NRG3: variants seen among roughly 807,000 people sequenced by gnomAD.
NRG3 encodes the protein pro-neuregulin-3, membrane-bound isoform.
NRG3 carries 31 observed loss-of-function variants against 66.9 expected under a neutral mutation model. The ratio of observed to expected loss-of-function variants is 0.46; its 90% CI spans 0.35 to 0.63. NRG3 has a LOEUF of 0.63. Ranked by LOEUF, NRG3 falls within the 20% of genes least tolerant of loss-of-function variation. The pLI is 0.00. For synonymous variants in NRG3, 393 were observed against 359.4 expected (o/e 1.09, Z -1.06); for missense variants, 910 against 878.9 (o/e 1.04, Z -0.45).
intron 2 of NRG3, among the ~76,000 whole-genome samples, chr10:82,730,757 C>A (rs17100622): frequency 0.088 from 13,321 of 152,140 alleles, 711 homozygotes; most frequent in Middle Eastern, 0.18. Context: ...ATCAATGTCA[C>A]AAAATTCTCC....
chr10:82,603,112 G>A (rs2047734382), intron 2 of NRG3, among the ~76,000 whole-genome samples: 1 of 152,122 alleles, frequency 6.6e-6, no homozygotes, highest in African/African-American at 2.4e-5. Context: ...GTACATTATT[G>A]TTCTTCCCTG....
intron 3 of NRG3, among the ~76,000 whole-genome samples, chr10:82,746,320 T>C (rs2058642719): frequency 6.6e-6 from 1 of 152,178 alleles, no homozygotes; most frequent in Non-Finnish European, 1.5e-5. Context: ...AGCTTCCCTG[T>C]TGGCCCCGGC....
chr10:82,089,634 A>T (rs1289956819), intron 1 of NRG3, among the ~76,000 whole-genome samples: 1 of 152,198 alleles, frequency 6.6e-6, no homozygotes, highest in African/African-American at 2.4e-5. Flanking sequence ...GTTCTCTAAT[A>T]AACGAGTTGA....
At chr10:82,650,154 A>C (rs2051295534) in intron 2 of NRG3, among the ~76,000 whole-genome samples, 1 of 152,162 alleles carries the variant, frequency 6.6e-6, no homozygotes. Context: ...TAGTTACCAA[A>C]ATATTACGCT....
intron 1 of NRG3, among the ~76,000 whole-genome samples, chr10:82,281,794 G>T (rs1269710989): frequency 1.3e-5 from 2 of 152,092 alleles, no homozygotes; most frequent in Non-Finnish European, 2.9e-5. Flanking sequence ...TCTGGACTTT[G>T]TATTTCCCTT....
intron 1 of NRG3, among the ~76,000 whole-genome samples, chr10:82,301,805 T>C (rs1301524581): frequency 6.6e-6 from 1 of 151,552 alleles, no homozygotes; most frequent in African/African-American, 2.4e-5. Context: ...TTGCTAATTA[T>C]GTTACTGTTA....
intron 1 of NRG3, among the ~76,000 whole-genome samples, chr10:82,108,835 T>G (rs1281361620): frequency 6.6e-6 from 1 of 152,218 alleles, no homozygotes; most frequent in East Asian, 1.9e-4. Context: ...GAGTACCATG[T>G]GGCCACAGCC....
At chr10:82,745,903 GT>G (rs923233227) in intron 3 of NRG3, among the ~76,000 whole-genome samples, 2 of 151,892 alleles carry the variant, frequency 1.3e-5, no homozygotes, top group Admixed American at 6.6e-5. Flanking sequence ...TGTTTGTTTG[GT>G]TTTTAGAGGC....
At chr10:82,078,373 C>T (rs1342323453) in intron 1 of NRG3, among the ~76,000 whole-genome samples, 3 of 152,138 alleles carry the variant, frequency 2.0e-5, no homozygotes, top group Non-Finnish European at 4.4e-5. Flanking sequence ...TTTTTCGAGA[C>T]AGAATCTTGC....
intron 1 of NRG3, among the ~76,000 whole-genome samples, chr10:82,007,247 T>C (rs1295707342): frequency 6.7e-6 from 1 of 149,282 alleles, no homozygotes; most frequent in Non-Finnish European, 1.5e-5. Flanking sequence ...TCTTGCACTG[T>C]CGCCCAGGTT....
At chr10:82,362,370 TG>T (rs1365914499) in intron 2 of NRG3, among the ~76,000 whole-genome samples, 2 of 137,580 alleles carry the variant, frequency 1.5e-5, no homozygotes, top group African/African-American at 6.0e-5. Flanking sequence ...TGTGTGTGTG[TG>T]TGTGTGTATT....
At chr10:82,913,786 T>C (rs1040095915) in intron 4 of NRG3, among the ~76,000 whole-genome samples, 5 of 152,172 alleles carry the variant, frequency 3.3e-5, no homozygotes, top group Admixed American at 6.5e-5. Flanking sequence ...TAATGTAGAG[T>C]ATTTTCCATG....
chr10:82,845,881 C>T (rs2063287536), intron 3 of NRG3, among the ~76,000 whole-genome samples: 1 of 152,162 alleles, frequency 6.6e-6, no homozygotes, highest in African/African-American at 2.4e-5. Context: ...ACATATAGCA[C>T]ACTGAGAAGT....
At chr10:82,357,550 C>T (rs1236313062) in intron 1 of NRG3, among the ~76,000 whole-genome samples, 1 of 152,172 alleles carries the variant, frequency 6.6e-6, no homozygotes, top group Non-Finnish European at 1.5e-5. Flanking sequence ...GGCATTCTTG[C>T]TGGCAAGGAC....
At chr10:81,891,325 A>C (rs952097657) in intron 1 of NRG3, among the ~76,000 whole-genome samples, 1 of 152,168 alleles carries the variant, frequency 6.6e-6, no homozygotes, top group Non-Finnish European at 1.5e-5. Flanking sequence ...TCTATTCCTG[A>C]CCATGTACTC....
At chr10:82,390,169 C>A (rs978292954) in intron 2 of NRG3, among the ~76,000 whole-genome samples, 15 of 152,144 alleles carry the variant, frequency 9.9e-5, no homozygotes, top group African/African-American at 3.6e-4. Context: ...TCCTTCACCA[C>A]TAATAGTGGT....
At chr10:82,114,865 G>C (rs1056025958) in intron 1 of NRG3, among the ~76,000 whole-genome samples, 1 of 152,130 alleles carries the variant, frequency 6.6e-6, no homozygotes, top group Non-Finnish European at 1.5e-5. Context: ...TTCTGGCAGA[G>C]CACCTTCATA....
At chr10:82,685,312 G>A (rs942597738) in intron 2 of NRG3, among the ~76,000 whole-genome samples, 3 of 152,186 alleles carry the variant, frequency 2.0e-5, no homozygotes, top group Admixed American at 6.5e-5. Flanking sequence ...TATACAAAAT[G>A]CACTGCAGTT....
chr10:82,857,035 G>C (rs1445568319), intron 3 of NRG3, among the ~76,000 whole-genome samples: 1 of 152,136 alleles, frequency 6.6e-6, no homozygotes, highest in Admixed American at 6.5e-5. Flanking sequence ...TAAGATTTCA[G>C]TCTAATGCTC....
Sources: gnomAD v4.1 joint callset for allele counts (sites outside exome capture counted in the v4.1 genomes callset) on GRCh38, gnomAD v4.1.1 for gene constraint, MANE v1.5 for transcripts, NCBI Gene and HGNC (gene_info 2026-07-23, HGNC 2026-07-21) for gene names.